GRK4: variants seen among roughly 807,000 people sequenced by gnomAD.
GRK4 encodes G protein-coupled receptor kinase 4.
In GRK4, 73 loss-of-function variants were observed where a neutral mutation model predicts 77.9. The observed-to-expected ratio is 0.94, with a 90% CI of 0.78 to 1.14. The LOEUF is 1.14. Ranked by LOEUF, GRK4 falls within the 50% of genes most tolerant of loss-of-function variation. GRK4 has a pLI of 0.00. For synonymous variants in GRK4, 257 were observed against 254.4 expected (o/e 1.01, Z -0.10); for missense variants, 729 against 700.2 (o/e 1.04, Z -0.46).
chr4:3,019,652 C>T lies in GRK4; in HGVS notation c.753C>T (p.Ala251=). ...KVQSRFVVSL[A]YAYETKDALC... ...GTTGCTGTCTTTAGGTTAGTTTAGC[C>T]TACGCTTATGAAACCAAAGATGCCT... Residue 251 remains alanine (A), a synonymous_variant, in exon 9 of 16, where the codon GCC becomes GCT. Transcript: ENST00000398052. 6.2e-7 allele frequency: 1 copy of T among 1,612,506 alleles called. No individual in the cohort carries two copies. Among genetic ancestry groups the T allele is most frequent in the African/African-American group, 1.3e-5 (1 of 74,988 alleles).
chr4:3,001,089 A>ATATATATATATATATATATATGTG, intron 4 of GRK4, among the ~76,000 whole-genome samples: 1 of 82,428 alleles, frequency 1.2e-5, no homozygotes, highest in South Asian at 2.8e-4. Context: ...ATATATATAT[A>ATATATATATATATATATATATGTG]TGTGTGTGTG....
Position 2,968,265 on chromosome 4 carries a change from G to A in GRK4, c.52+4143G>A, listed in dbSNP as rs564908812. The stretch of plus-strand genomic sequence containing the variant: ...TGAAAACAAATGCAGAGAGGAATAC[G>A]TAATACGTGCATTTAATGTGGGTTT... On this transcript the variant is annotated intron_variant, in intron 1 of 15. Coordinates refer to ENST00000398052, the MANE Select transcript of GRK4 (RefSeq NM_182982.3). Among the ~76,000 whole-genome samples the A allele has an allele frequency of 2.6e-5, 4 of 152,232 alleles. No individual in the cohort carries two copies. The South Asian group carries it at 8.3e-4, about 32-fold the overall frequency.
In GRK4 at chr4:2,963,606, T is replaced by C; in HGVS notation, c.-465T>C. The C allele has an allele frequency of 2.3e-6, 1 of 428,534 alleles. No homozygotes were observed. Among genetic ancestry groups the C allele is most frequent in the Non-Finnish European group, 4.1e-6 (1 of 244,060 alleles). The allele number at this position is 428,534 out of a possible 1,614,324, so 26.5% of individuals were successfully genotyped here. The stretch of plus-strand genomic sequence containing the variant: ...GGCCGCGGCGGCGAGGGGCGCTCCC[T>C]CTTCAGCTAAGCCGTTAGCGCCGAG... On this transcript the variant is annotated 5_prime_UTR_variant, in exon 1 of 16. Coordinates refer to ENST00000398052, the MANE Select transcript of GRK4 (RefSeq NM_182982.3).
At chr4:2,969,751 G>A (rs981080162) in intron 1 of GRK4, among the ~76,000 whole-genome samples, 1 of 151,686 alleles carries the variant, frequency 6.6e-6, no homozygotes, top group African/African-American at 2.4e-5. Flanking sequence ...AGCTACTGAA[G>A]CCTCAAAGCC....
intron 12 of GRK4, among the ~76,000 whole-genome samples, chr4:3,030,461 A>G (rs923616682): frequency 6.6e-6 from 1 of 152,010 alleles, no homozygotes; most frequent in African/African-American, 2.4e-5. Flanking sequence ...GGATTTATTG[A>G]GCATCTTGTA....
At chr4:3,024,164 T>A (rs777131863) in intron 10 of GRK4, among the ~76,000 whole-genome samples, 20 of 152,098 alleles carry the variant, frequency 1.3e-4, no homozygotes, top group Non-Finnish European at 2.5e-4. Flanking sequence ...CACTCCCGGG[T>A]GGGATGCCAG....
chr4:2,975,623 G>A (rs776934946), intron 1 of GRK4, among the ~76,000 whole-genome samples: 3 of 152,054 alleles, frequency 2.0e-5, no homozygotes, highest in Admixed American at 6.6e-5. Context: ...TCCTTGAGCC[G>A]GCTAACATGG....
At chr4:3,024,836 C>T (rs888471064) in intron 10 of GRK4, among the ~76,000 whole-genome samples, 17 of 151,932 alleles carry the variant, frequency 1.1e-4, no homozygotes, top group East Asian at 3.9e-4. Flanking sequence ...CCAGCCTGGG[C>T]GACAGAGTGA....
intron 8 of GRK4, among the ~76,000 whole-genome samples, chr4:3,014,723 G>T: frequency 6.6e-6 from 1 of 152,048 alleles, no homozygotes; most frequent in East Asian, 1.9e-4. Flanking sequence ...CTTGAACCTG[G>T]GAGGCGGAGG....
intron 15 of GRK4, among the ~76,000 whole-genome samples, chr4:3,040,039 T>A (rs1741958812): frequency 6.6e-6 from 1 of 152,212 alleles, no homozygotes; most frequent in Admixed American, 6.5e-5. Context: ...TCAGCCATGG[T>A]ACATGCAGAA....
At chr4:2,988,144 C>A (rs567246149) in intron 2 of GRK4, among the ~76,000 whole-genome samples, 1 of 147,590 alleles carries the variant, frequency 6.8e-6, no homozygotes, top group South Asian at 2.1e-4. Flanking sequence ...TTTTGAGGAA[C>A]GCCAGACTCT....
At chr4:2,976,034 C>G (rs1344362754) in intron 1 of GRK4, among the ~76,000 whole-genome samples, 2 of 152,188 alleles carry the variant, frequency 1.3e-5, no homozygotes, top group Non-Finnish European at 2.9e-5. Context: ...CTGCTTCAAC[C>G]TTTGCAAGGG....
rs552474549 is a variant in GRK4 at position 3,035,441 on chromosome 4, G to C, written c.1325G>C (p.Gly442Ala). Residue 442 changes from glycine (G) to alanine (A), a missense_variant, in exon 13 of 16, where the codon GGG becomes GCG. Gly to Ala is a moderately conservative substitution (Grantham distance 60). Transcript: ENST00000398052. ...RLGCRGEGAA[G>A]VKQHPVFKDI... Reference sequence around the variant, plus strand: ...GGCTGCAGGGGCGAGGGAGCGGCTGGGGTGAAGCAGCACCCCGTGTTCAAG... The same window carrying C: ...GGCTGCAGGGGCGAGGGAGCGGCTGCGGTGAAGCAGCACCCCGTGTTCAAG... 3.7e-6 allele frequency: 6 copies of C among 1,613,798 alleles called. No individual in the cohort carries two copies. The East Asian group carries it at 1.3e-4, about 36-fold the overall frequency.
chr4:3,038,273 G>A, intron 14 of GRK4, 103 bp from the exon 15 acceptor site: 2 of 1,424,042 alleles, frequency 1.4e-6, no homozygotes, highest in African/African-American at 1.4e-5. Flanking sequence ...GGAGCTCTGA[G>A]GTGCCCCGCA....
chr4:3,024,153 G>C (rs1380575203), intron 10 of GRK4, among the ~76,000 whole-genome samples: 1 of 152,158 alleles, frequency 6.6e-6, no homozygotes, highest in Non-Finnish European at 1.5e-5. Flanking sequence ...GATCTGAAAG[G>C]CACTCCCGGG....
chr4:2,996,707 T>C (rs1728036680), intron 4 of GRK4, among the ~76,000 whole-genome samples: 1 of 151,946 alleles, frequency 6.6e-6, no homozygotes, highest in Non-Finnish European at 1.5e-5. Context: ...GGAGATGATG[T>C]AGCTGGAAAG....
intron 2 of GRK4, among the ~76,000 whole-genome samples, chr4:2,985,420 A>G (rs1724016111): frequency 6.7e-6 from 1 of 150,170 alleles, no homozygotes; most frequent in Admixed American, 6.6e-5. Context: ...AAAAAAAATT[A>G]TTGAGCCAGG....
intron 8 of GRK4, among the ~76,000 whole-genome samples, chr4:3,018,598 C>T (rs1735198892): frequency 6.6e-6 from 1 of 152,196 alleles, no homozygotes; most frequent in Admixed American, 6.5e-5. Flanking sequence ...AAGAAGGAGG[C>T]TGGGCACTGT....
At chr4:3,029,804 G>A (rs1005402946) in intron 12 of GRK4, among the ~76,000 whole-genome samples, 14 of 152,196 alleles carry the variant, frequency 9.2e-5, no homozygotes, top group African/African-American at 2.9e-4. Context: ...GGAAGCTCAC[G>A]TCTACCTGCC....
Sources: gnomAD v4.1 joint callset for allele counts (sites outside exome capture counted in the v4.1 genomes callset) on GRCh38, gnomAD v4.1.1 for gene constraint, MANE v1.5 for transcripts, NCBI Gene and HGNC (gene_info 2026-07-23, HGNC 2026-07-21) for gene names.